The following KIFAP3 variants were observed in gnomAD, a reference collection of about 807,000 sequenced individuals.
The protein encoded by KIFAP3 is kinesin-associated protein 3.
A neutral mutation model predicts 106.5 loss-of-function variants in KIFAP3; 68 were observed. The ratio of observed to expected loss-of-function variants is 0.64; its 90% CI spans 0.53 to 0.78. KIFAP3 has a LOEUF of 0.78. Among genes scored for constraint, KIFAP3 ranks in the 30% least tolerant of loss-of-function variants. The probability of loss-of-function intolerance (pLI) is 0.00; values close to 1 mark genes in which losing one functional copy is unlikely to be tolerated. For synonymous variants in KIFAP3, 320 were observed against 311.5 expected, an observed-to-expected ratio of 1.03 and a Z score of -0.29; for missense variants, 780 against 941.8, an observed-to-expected ratio of 0.83 and a Z score of 2.25.
intron 1 of KIFAP3, among the ~76,000 whole-genome samples, chr1:170,084,060 A>G (rs1173078960): frequency 1.3e-5 from 2 of 152,228 alleles, no homozygotes; most frequent in Non-Finnish European, 2.9e-5. Context: ...GATGCCTAAC[A>G]CCAATGACAG....
intron 16 of KIFAP3, among the ~76,000 whole-genome samples, chr1:169,976,611 A>G (rs1379258197): frequency 6.6e-6 from 1 of 152,214 alleles, no homozygotes; most frequent in Non-Finnish European, 1.5e-5. Flanking sequence ...TTAGCTGTTA[A>G]GGCAGAATAG....
intron 17 of KIFAP3, among the ~76,000 whole-genome samples, chr1:169,969,489 A>G (rs556460923): frequency 2.0e-5 from 3 of 152,160 alleles, no homozygotes; most frequent in Admixed American, 2.0e-4. Flanking sequence ...TCTGTCTGGA[A>G]TGAAGGTAGC....
chr1:170,046,837 G>A lies in KIFAP3; in HGVS notation c.194C>T (p.Thr65Ile), dbSNP rs550769242. 12 of 1,607,760 alleles carry A rather than the reference G, an allele frequency of 7.5e-6. No homozygotes were observed. Among genetic ancestry groups the A allele is most frequent in the South Asian group, 4.4e-5 (4 of 89,888 alleles). Reference sequence around the variant, plus strand: ...CTTCCTTGCCAGGGAAGTTATATCTGTGTTGGCATTGAGACTCTTAAGTCG... The same window carrying A: ...CTTCCTTGCCAGGGAAGTTATATCTATGTTGGCATTGAGACTCTTAAGTCG... Reference protein sequence around the residue: ...IIRLKSLNANTDITSLARKVV... With the variant: ...IIRLKSLNANIDITSLARKVV... The change falls in exon 3 of 20, where the codon ACA becomes ATA. Residue 65 changes from threonine to isoleucine, a missense_variant. Physicochemically the swap from Thr to Ile is moderately conservative, Grantham distance 89. This residue lies in a region of KIFAP3 where 588 missense variants were observed against 678.9 expected (regional missense o/e 0.87). Coordinates refer to ENST00000361580, the MANE Select transcript of KIFAP3 (RefSeq NM_014970.4).
intron 1 of KIFAP3, among the ~76,000 whole-genome samples, chr1:170,061,153 T>C (rs1225042843): frequency 1.3e-5 from 2 of 152,118 alleles, no homozygotes; most frequent in Non-Finnish European, 2.9e-5. Context: ...AAAGCCAAAA[T>C]TGACAAATGG....
At chr1:170,012,403 T>C (rs1408201577) in intron 10 of KIFAP3, among the ~76,000 whole-genome samples, 1 of 152,146 alleles carries the variant, frequency 6.6e-6, no homozygotes, top group Admixed American at 6.6e-5. Flanking sequence ...ACACACATTA[T>C]AGCCTTTGAA....
chr1:169,950,337 T>G lies in KIFAP3; in HGVS notation c.2273+3674A>C, dbSNP rs564117252. ...TGTTTTATCCCACATATTGTTATAC[T>G]TAAATCATTGAAAACAATGGTAATG... On this transcript the variant is annotated intron_variant, in intron 19 of 19. Coordinates refer to ENST00000361580, the MANE Select transcript of KIFAP3 (RefSeq NM_014970.4). Among the ~76,000 whole-genome samples, 57 of 152,284 alleles carry G rather than the reference T, an allele frequency of 3.7e-4. No homozygotes were observed. The South Asian group carries it at 0.011, about 30-fold the overall frequency.
At chr1:170,028,829 AC>A (rs1453726511) in intron 8 of KIFAP3, among the ~76,000 whole-genome samples, 2 of 152,120 alleles carry the variant, frequency 1.3e-5, no homozygotes, top group African/African-American at 4.8e-5. Context: ...TATAATATAA[AC>A]CTTAAAGCAA....
At position 169,992,085 on chromosome 1, in the gene KIFAP3, A is replaced by G. The variant is rs1185089396; in HGVS notation, c.1284+70T>C. ...CTTTTTTAGAGAGAAAATCTTGACA[A>G]ATCAAGAGAAAAGAGTAAAAAATAT... On this transcript the variant is annotated intron_variant, in intron 11 of 19. Coordinates refer to ENST00000361580, the MANE Select transcript of KIFAP3 (RefSeq NM_014970.4). 4.5e-6 allele frequency: 3 copies of G among 667,082 alleles called. No individual in the cohort carries two copies. In the East Asian group the frequency reaches 1.0e-4, roughly 23 times the overall value. The allele number at this position is 667,082 out of a possible 1,614,324, so 41.3% of individuals were successfully genotyped here. A position where few individuals can be genotyped will look rare whatever the true frequency, so the allele number is the denominator to read the frequency against.
chr1:169,977,504 G>A (rs577697711), intron 16 of KIFAP3, among the ~76,000 whole-genome samples: 1 of 152,136 alleles, frequency 6.6e-6, no homozygotes, highest in East Asian at 1.9e-4. Flanking sequence ...TTGTATCCTA[G>A]GGAGGTTAAG....
At chr1:169,932,174 C>T (rs1478095612) in intron 19 of KIFAP3, among the ~76,000 whole-genome samples, 1 of 152,102 alleles carries the variant, frequency 6.6e-6, no homozygotes, top group Non-Finnish European at 1.5e-5. Context: ...CTAAACTTTC[C>T]AATTTGCTTA....
intron 5 of KIFAP3, 78 bp downstream of exon 5, chr1:170,038,212 T>C (rs1049709269): frequency 3.6e-6 from 4 of 1,118,250 alleles, no homozygotes; most frequent in African/African-American, 3.2e-5. Flanking sequence ...AGCTGGAAAA[T>C]ATATGAAGTC....
At chr1:169,926,873 T>A (rs12385721) in intron 19 of KIFAP3, among the ~76,000 whole-genome samples, 147 of 152,236 alleles carry the variant, frequency 9.7e-4, no homozygotes, top group African/African-American at 3.5e-3. Flanking sequence ...TCAGGTAATA[T>A]TGAAGGCTGG....
intron 19 of KIFAP3, among the ~76,000 whole-genome samples, chr1:169,932,720 T>A (rs1488370250): frequency 1.3e-5 from 2 of 151,580 alleles, no homozygotes; most frequent in East Asian, 1.9e-4. Flanking sequence ...ATGTTAAGTT[T>A]TTTTTTTTGT....
At chr1:170,031,498 C>T (rs1253684642) in intron 8 of KIFAP3, among the ~76,000 whole-genome samples, 2 of 151,620 alleles carry the variant, frequency 1.3e-5, no homozygotes, top group African/African-American at 4.8e-5. Context: ...ACAAGGAATT[C>T]TTTTCTATTA....
intron 19 of KIFAP3, among the ~76,000 whole-genome samples, chr1:169,932,189 G>A (rs1426941562): frequency 6.6e-6 from 1 of 152,110 alleles, no homozygotes; most frequent in East Asian, 1.9e-4. Flanking sequence ...TGCTTATACT[G>A]TTTGGGGAAC....
intron 9 of KIFAP3, among the ~76,000 whole-genome samples, chr1:170,019,163 AC>A (rs1378783453): frequency 6.6e-6 from 1 of 152,130 alleles, no homozygotes; most frequent in Non-Finnish European, 1.5e-5. Context: ...AGAAGAAACA[AC>A]CTAAACAGTC....
chr1:170,071,038 T>C (rs577047648), intron 1 of KIFAP3, among the ~76,000 whole-genome samples: 171 of 152,302 alleles, frequency 1.1e-3, no homozygotes, highest in Non-Finnish European at 2.1e-3. Context: ...CAAAATAAGA[T>C]ACCATTTGAT....
intron 3 of KIFAP3, among the ~76,000 whole-genome samples, chr1:170,039,553 A>T (rs1477189314): frequency 6.6e-6 from 1 of 152,184 alleles, no homozygotes; most frequent in Non-Finnish European, 1.5e-5. Flanking sequence ...TATAAGGTAT[A>T]CAGTCAGACT....
At chr1:169,991,972 G>T (rs1247601125) in intron 11 of KIFAP3, among the ~76,000 whole-genome samples, 183 bp downstream of exon 11, 2 of 151,792 alleles carry the variant, frequency 1.3e-5, no homozygotes, top group Non-Finnish European at 2.9e-5. Context: ...CTCTAAGTTT[G>T]GGATAATGGA....
Sources: allele counts gnomAD v4.1 joint callset (sites outside exome capture counted in the v4.1 genomes callset), GRCh38; gene constraint gnomAD v4.1.1; regional missense constraint gnomAD v4.1.1; transcripts MANE v1.5; gene names NCBI Gene and HGNC (gene_info 2026-07-23, HGNC 2026-07-21).